ZNF469: variants seen among roughly 807,000 people sequenced by gnomAD.
ZNF469 encodes the protein zinc finger protein 469.
ZNF469 carries 1 observed loss-of-function variant against 1.0 expected under a neutral mutation model. That is an observed-to-expected ratio of 1.00 (90% CI 0.35 to 4.73). The LOEUF (loss-of-function observed/expected upper bound fraction) is 4.73. Among genes scored for constraint, ZNF469 ranks in the 30% most tolerant of loss-of-function variants. ZNF469 has a pLI of 0.16. For missense variants in ZNF469, 6,100 were observed against 5,356.3 expected (o/e 1.14, Z -4.33); for synonymous variants, 2,703 against 2,363.4 (o/e 1.14, Z -4.17).
upstream of ZNF469, among the ~76,000 whole-genome samples, chr16:88,380,628 C>T (rs1222831149): frequency 6.2e-5 from 9 of 146,128 alleles, no homozygotes; most frequent in South Asian, 2.3e-4. Flanking sequence ...CCCAGACATG[C>T]GCTCACACAC....
At chr16:88,370,527 C>T in the ZNF469 span, among the ~76,000 whole-genome samples, 12 of 152,142 alleles carry the variant, frequency 7.9e-5, no homozygotes, top group East Asian at 3.8e-4. Flanking sequence ...AATATCTTGT[C>T]GTGTCACCCA....
At chr16:88,145,691 C>T in the ZNF469 span, among the ~76,000 whole-genome samples, 1 of 152,266 alleles carries the variant, frequency 6.6e-6, no homozygotes, top group Non-Finnish European at 1.5e-5. Context: ...CTTTCACGTC[C>T]TCCTTATTCC....
chr16:88,428,276 G>T lies in ZNF469; in HGVS notation c.806G>T (p.Arg269Met), dbSNP rs775471773. 1 of 1,550,396 alleles carries T rather than the reference G, an allele frequency of 6.4e-7. No individual in the cohort carries two copies. Among genetic ancestry groups the T allele is most frequent in the Non-Finnish European group, 8.7e-7 (1 of 1,146,958 alleles). Reference protein sequence around the residue: ...PKGSRPGGSPRGVSFQFPFPA... With the variant: ...PKGSRPGGSPMGVSFQFPFPA... ...GGCAGCAGGCCCGGCGGCAGCCCCA[G>T]GGGAGTTTCCTTCCAGTTCCCCTTC... Residue 269 changes from arginine to methionine, a missense_variant, in exon 3 of 3, where the codon AGG becomes ATG. Transcript: ENST00000565624.
At chr16:88,279,907 G>A in the ZNF469 span, among the ~76,000 whole-genome samples, 14 of 149,486 alleles carry the variant, frequency 9.4e-5, 2 homozygotes, top group African/African-American at 3.2e-4. Context: ...GCACCACGCC[G>A]ACACTCGGTC....
the ZNF469 span, among the ~76,000 whole-genome samples, chr16:88,244,380 G>A: frequency 1.4e-5 from 2 of 146,536 alleles, no homozygotes; most frequent in Non-Finnish European, 3.0e-5. Context: ...TGGGTGGATG[G>A]GTGAATGCAT....
chr16:88,123,709 T>C, the ZNF469 span, among the ~76,000 whole-genome samples: 2 of 152,336 alleles, frequency 1.3e-5, no homozygotes, highest in East Asian at 3.9e-4. Flanking sequence ...ATTTTTTATT[T>C]TTCTAGTTTT....
At chr16:88,223,278 G>A in the ZNF469 span, among the ~76,000 whole-genome samples, 1 of 152,178 alleles carries the variant, frequency 6.6e-6, no homozygotes, top group Non-Finnish European at 1.5e-5. Flanking sequence ...TGCGATCTGC[G>A]GGTTTTATAA....
the ZNF469 span, among the ~76,000 whole-genome samples, chr16:88,208,560 A>G: frequency 4.5e-5 from 1 of 22,144 alleles, no homozygotes; most frequent in Non-Finnish European, 1.1e-4. Context: ...GGAAGGAGGG[A>G]GGGAAGGAGA....
the ZNF469 span, among the ~76,000 whole-genome samples, chr16:88,146,342 T>C: frequency 6.6e-6 from 1 of 152,148 alleles, no homozygotes; most frequent in Non-Finnish European, 1.5e-5. Flanking sequence ...GCTGTCTTTG[T>C]GCCTGCTCCA....
the ZNF469 span, among the ~76,000 whole-genome samples, chr16:88,229,356 C>A: frequency 9.2e-5 from 14 of 152,228 alleles, no homozygotes; most frequent in Non-Finnish European, 1.9e-4. Flanking sequence ...TCTCGGGAAC[C>A]CTCCTGCTTC....
chr16:88,135,763 T>C, the ZNF469 span, among the ~76,000 whole-genome samples: 14 of 138,806 alleles, frequency 1.0e-4, 3 homozygotes, highest in Non-Finnish European at 1.7e-4. Context: ...TTTTTTTTTT[T>C]TTTTTTTTTT....
At chr16:88,184,962 G>A in the ZNF469 span, among the ~76,000 whole-genome samples, 2 of 152,052 alleles carry the variant, frequency 1.3e-5, no homozygotes, top group Non-Finnish European at 2.9e-5. Flanking sequence ...ACACACTCAT[G>A]CACACGCAAG....
chr16:88,338,603 G>A, the ZNF469 span, among the ~76,000 whole-genome samples: 1 of 152,224 alleles, frequency 6.6e-6, no homozygotes, highest in African/African-American at 2.4e-5. Flanking sequence ...TCTGCTGGGT[G>A]AACATTGCCC....
In ZNF469 at chr16:88,423,341, C is replaced by T. The variant is rs1905568050; in HGVS notation, c.-191-1466C>T. 4.7e-5 allele frequency among the ~76,000 whole-genome samples: 7 copies of T among 147,398 alleles called. No individual in the cohort carries two copies. The South Asian group carries it at 1.5e-3, about 32-fold the overall frequency. On this transcript the variant is annotated intron_variant, in intron 1 of 2. Transcript: ENST00000565624. ...TGAACAGATGGATGGGACAGTGTGG[C>T]AAAGGCTTTACTGCTAAGTCCCAGT...
chr16:88,382,003 G>C (rs1462099438), upstream of ZNF469, among the ~76,000 whole-genome samples: 1 of 152,228 alleles, frequency 6.6e-6, no homozygotes, highest in Non-Finnish European at 1.5e-5. Context: ...CCTGCTCCCG[G>C]GGGACCTTTG....
the ZNF469 span, among the ~76,000 whole-genome samples, chr16:88,377,772 G>A: frequency 6.6e-6 from 1 of 152,108 alleles, no homozygotes. Flanking sequence ...GGTCCTCAGG[G>A]CGCGGACCAC....
chr16:88,307,551 G>A, the ZNF469 span, among the ~76,000 whole-genome samples: 1 of 152,230 alleles, frequency 6.6e-6, no homozygotes, highest in African/African-American at 2.4e-5. Context: ...TGGGTGTGAA[G>A]TGGCATCTCA....
At chr16:88,137,281 A>G in the ZNF469 span, among the ~76,000 whole-genome samples, 3,492 of 152,358 alleles carry the variant, frequency 0.023, 124 homozygotes, top group African/African-American at 0.079. Context: ...GTGTATGACC[A>G]TGTGTGCATA....
chr16:88,125,121 T>C, the ZNF469 span, among the ~76,000 whole-genome samples: 3 of 152,146 alleles, frequency 2.0e-5, no homozygotes, highest in Non-Finnish European at 2.9e-5. Context: ...CAGCACCATT[T>C]GTTGAGAAGA....
Sources: gnomAD v4.1 joint callset for allele counts (sites outside exome capture counted in the v4.1 genomes callset) on GRCh38, gnomAD v4.1.1 for gene constraint, MANE v1.5 for transcripts, NCBI Gene and HGNC (gene_info 2026-07-23, HGNC 2026-07-21) for gene names.